Variants in DTNB observed in about 807,000 individuals in gnomAD.
DTNB encodes DTN-B.
A neutral mutation model predicts 90.7 loss-of-function variants in DTNB; 63 were observed. That is an observed-to-expected ratio of 0.69 (90% confidence interval 0.57 to 0.86). The LOEUF (loss-of-function observed/expected upper bound fraction) is 0.86, where lower values mean the gene tolerates loss of function less well. Among genes scored for constraint, DTNB ranks in the 40% least tolerant of loss-of-function variants. DTNB has a pLI of 0.00. For synonymous variants in DTNB, 277 were observed against 286.7 expected (o/e 0.97, Z 0.34); for missense variants, 744 against 807.1 (o/e 0.92, Z 0.95).
chr2:25,563,530 G>A (rs1265628871), intron 8 of DTNB, among the ~76,000 whole-genome samples: 1 of 152,144 alleles, frequency 6.6e-6, no homozygotes, highest in Non-Finnish European at 1.5e-5. Flanking sequence ...ACTAACTCAA[G>A]GTCATAAAGA....
intron 4 of DTNB, among the ~76,000 whole-genome samples, chr2:25,618,917 T>C (rs1249459524): frequency 1.3e-5 from 2 of 152,210 alleles, no homozygotes; most frequent in African/African-American, 4.8e-5. Context: ...ATTAGCTCTG[T>C]GCCAAGCTAA....
At chr2:25,468,886 T>C (rs2062270727) in intron 10 of DTNB, among the ~76,000 whole-genome samples, 1 of 152,218 alleles carries the variant, frequency 6.6e-6, no homozygotes, top group Non-Finnish European at 1.5e-5. Flanking sequence ...TCAAGTTCAA[T>C]GTAGTCACAG....
chr2:25,592,147 G>A (rs1366692070), intron 6 of DTNB, among the ~76,000 whole-genome samples: 2 of 149,118 alleles, frequency 1.3e-5, no homozygotes, highest in African/African-American at 2.5e-5. Context: ...TTTTGCTTTC[G>A]CTTTCCCTCC....
At chr2:25,470,780 G>C (rs1431909669) in intron 10 of DTNB, among the ~76,000 whole-genome samples, 2 of 152,148 alleles carry the variant, frequency 1.3e-5, no homozygotes, top group Admixed American at 1.3e-4. Context: ...CTAAATGCCT[G>C]ACTGAGACTC....
chr2:25,399,202 C>A (rs1322763107), intron 16 of DTNB, among the ~76,000 whole-genome samples: 1 of 152,016 alleles, frequency 6.6e-6, no homozygotes, highest in African/African-American at 2.4e-5. Context: ...GCGTGCACCA[C>A]CATGCCCAGC....
At chr2:25,601,994 C>T (rs1014309409) in intron 5 of DTNB, among the ~76,000 whole-genome samples, 4 of 151,986 alleles carry the variant, frequency 2.6e-5, no homozygotes, top group East Asian at 1.9e-4. Context: ...TGGTGGCACA[C>T]GCCTGTAGTC....
chr2:25,428,887 T>C (rs1025430186), intron 14 of DTNB, among the ~76,000 whole-genome samples: 1 of 152,164 alleles, frequency 6.6e-6, no homozygotes, highest in African/African-American at 2.4e-5. Context: ...ACAGCAACAA[T>C]ATTCTGAGGA....
chr2:25,661,754 G>A lies in DTNB; in HGVS notation c.-1-9093C>T, dbSNP rs570297703. 8.5e-5 allele frequency among the ~76,000 whole-genome samples: 13 copies of A among 152,210 alleles called. 1 individual carries two copies. In the South Asian group the frequency reaches 2.5e-3, roughly 29 times the overall value. ...CACACACATCAAATGAAAAAAATGA[G>A]TCTGAAAATACCATTTATATTGGCA... is the stretch of plus-strand genomic sequence containing the variant. On this transcript the variant is annotated intron_variant, in intron 1 of 20. Transcript: ENST00000406818.
At position 25,526,395 on chromosome 2, in the gene DTNB, A is replaced by ATATATATATTT; in HGVS notation, c.1001+5077_1001+5078insAAATATATATA. ...TATATATATATATATATATATATAT[A>ATATATATATTT]TTTTTTTTTTTTTAATTGAGACAGA... is the stretch of plus-strand genomic sequence containing the variant. On this transcript the variant is annotated intron_variant, in intron 9 of 20. Coordinates refer to ENST00000406818, the MANE Select transcript of DTNB (RefSeq NM_021907.5). 7.6e-3 allele frequency among the ~76,000 whole-genome samples: 379 copies of ATATATATATTT among 49,800 alleles called. 6 individuals carry two copies. Among genetic ancestry groups the ATATATATATTT allele is most frequent in the East Asian group, 0.045 (58 of 1,302 alleles). 32.7% of individuals were successfully genotyped at this position (49,800 alleles called of 152,430 possible). A position where few individuals can be genotyped will look rare whatever the true frequency, so the allele number is the denominator to read the frequency against.
At chr2:25,503,993 C>T (rs904503396) in intron 9 of DTNB, among the ~76,000 whole-genome samples, 1 of 151,934 alleles carries the variant, frequency 6.6e-6, no homozygotes, top group African/African-American at 2.4e-5. Flanking sequence ...CCTGGCTGGG[C>T]GCAGTGGCTC....
intron 9 of DTNB, among the ~76,000 whole-genome samples, chr2:25,520,405 C>G (rs767608923): frequency 2.6e-4 from 40 of 152,134 alleles, no homozygotes; most frequent in Non-Finnish European, 4.4e-4. Flanking sequence ...TTAAAAATGG[C>G]TGTAAACAGC....
intron 10 of DTNB, among the ~76,000 whole-genome samples, chr2:25,467,454 A>G (rs988785456): frequency 1.3e-5 from 2 of 151,754 alleles, no homozygotes; most frequent in Non-Finnish European, 2.9e-5. Context: ...GGGTAACATC[A>G]GGCCCAGACA....
chr2:25,406,054 T>C (rs937542399), intron 16 of DTNB, among the ~76,000 whole-genome samples: 4 of 152,138 alleles, frequency 2.6e-5, no homozygotes, highest in Admixed American at 6.5e-5. Flanking sequence ...TGGCGATGGC[T>C]GGCAGGGATA....
intron 12 of DTNB, among the ~76,000 whole-genome samples, chr2:25,434,638 G>C (rs2055089115): frequency 6.6e-6 from 1 of 151,788 alleles, no homozygotes; most frequent in African/African-American, 2.4e-5. Flanking sequence ...ATTGTTTCCA[G>C]CTTTTGGTTA....
intron 10 of DTNB, among the ~76,000 whole-genome samples, chr2:25,460,246 G>A (rs1261805573): frequency 1.3e-5 from 2 of 152,068 alleles, no homozygotes; most frequent in Admixed American, 1.3e-4. Flanking sequence ...GAAGGCTAAG[G>A]GAGAAGTAGG....
In DTNB at chr2:25,387,078, G is replaced by A. The variant is rs1001576263; in HGVS notation, c.1825+211C>T. ...CTCCACAAGATGCACTCCTGAGATA[G>A]GCCTGAATGTGAAACCGCCCCTACG... is the stretch of plus-strand genomic sequence containing the variant. On this transcript the variant is annotated intron_variant, in intron 18 of 20. Transcript: ENST00000406818. The surrounding 1 kb of genome is among the most constrained non-coding windows in gnomAD (Gnocchi z 4.5). 7 of 540,192 alleles carry A rather than the reference G, an allele frequency of 1.3e-5. No individual in the cohort carries two copies. The highest frequency in any genetic ancestry group is 3.0e-5 in the Admixed American group (1 of 33,204). The allele number at this position is 540,192 out of a possible 1,614,324, so 33.5% of individuals were successfully genotyped here.
intron 6 of DTNB, among the ~76,000 whole-genome samples, chr2:25,582,365 G>A (rs899288966): frequency 2.6e-5 from 4 of 152,076 alleles, no homozygotes; most frequent in African/African-American, 4.8e-5. Context: ...TCTTTCTAGC[G>A]ACTGGGAGAA....
intron 4 of DTNB, among the ~76,000 whole-genome samples, chr2:25,608,859 A>G (rs561209489): frequency 3.9e-5 from 6 of 152,206 alleles, no homozygotes; most frequent in Non-Finnish European, 7.4e-5. Context: ...CACCAATAAA[A>G]TGCACTATGC....
intron 18 of DTNB, chr2:25,386,228 TG>T: frequency 2.0e-6 from 1 of 499,448 alleles, no homozygotes; most frequent in Non-Finnish European, 2.6e-6. Flanking sequence ...CAGGCAGACT[TG>T]AGAGCAGAGC....
Sources: allele counts gnomAD v4.1 joint callset (sites outside exome capture counted in the v4.1 genomes callset), GRCh38; gene constraint gnomAD v4.1.1; non-coding constraint Gnocchi (gnomAD v3.1); transcripts MANE v1.5; gene names NCBI Gene and HGNC (gene_info 2026-07-23, HGNC 2026-07-21).